The following ZDHHC7 variants were observed in gnomAD, a reference collection of about 807,000 sequenced individuals.
ZDHHC7 encodes the protein palmitoyltransferase ZDHHC7.
In ZDHHC7, 12 loss-of-function variants were observed where a neutral mutation model predicts 34.1. The observed-to-expected ratio is 0.35, with a 90% confidence interval of 0.23 to 0.57. ZDHHC7 has a LOEUF of 0.57. Among genes scored for constraint, ZDHHC7 ranks in the 20% least tolerant of loss-of-function variants. The pLI, the probability that ZDHHC7 is intolerant of heterozygous loss-of-function variation, is 0.84. For synonymous variants in ZDHHC7, 185 were observed against 155.4 expected (o/e 1.19, Z -1.42); for missense variants, 388 against 402.7 (o/e 0.96, Z 0.31).
At chr16:85,014,326 A>T (rs2072825612), upstream of ZDHHC7, among the ~76,000 whole-genome samples, 1 of 152,244 alleles carries the variant, frequency 6.6e-6, no homozygotes, top group Non-Finnish European at 1.5e-5. Flanking sequence ...GGGAAGCTTA[A>T]CAGAATTTCA....
intron 3 of ZDHHC7, among the ~76,000 whole-genome samples, chr16:84,989,073 G>A (rs1443648577): frequency 6.6e-6 from 1 of 152,200 alleles, no homozygotes; most frequent in Non-Finnish European, 1.5e-5. Flanking sequence ...AAAAGGAAAT[G>A]ACAAGACAGG....
At chr16:85,004,653 G>A (rs1264676780) in intron 1 of ZDHHC7, among the ~76,000 whole-genome samples, 1 of 151,748 alleles carries the variant, frequency 6.6e-6, no homozygotes, top group Non-Finnish European at 1.5e-5. Context: ...TCAATGGAAT[G>A]TTACTCATAG....
At chr16:84,997,665 T>C (rs1292457523) in intron 1 of ZDHHC7, among the ~76,000 whole-genome samples, 29 of 147,646 alleles carry the variant, frequency 2.0e-4, no homozygotes, top group Admixed American at 6.0e-4. Flanking sequence ...GAGGCTGAGG[T>C]GGGCGGATCA....
At chr16:85,015,878 C>G (rs1045468871), upstream of ZDHHC7, among the ~76,000 whole-genome samples, 8 of 151,868 alleles carry the variant, frequency 5.3e-5, no homozygotes, top group African/African-American at 1.9e-4. Flanking sequence ...ACTTTGATTT[C>G]TCTCAGGGCC....
chr16:85,018,562 C>G, the ZDHHC7 span, among the ~76,000 whole-genome samples: 1 of 152,066 alleles, frequency 6.6e-6, no homozygotes, highest in Non-Finnish European at 1.5e-5. Flanking sequence ...ATTCTCCTGC[C>G]TCAGCCTCCC....
intron 4 of ZDHHC7, 32 bp from the exon 5 acceptor site, chr16:84,979,317 C>T: frequency 1.2e-6 from 2 of 1,601,388 alleles, no homozygotes; most frequent in African/African-American, 2.7e-5. Context: ...TTCAGTATTC[C>T]ATGCTCTGAG....
intron 1 of ZDHHC7, among the ~76,000 whole-genome samples, chr16:85,008,788 G>A (rs899459037): frequency 6.6e-6 from 1 of 151,852 alleles, no homozygotes; most frequent in African/African-American, 2.4e-5. Context: ...GCTCACGCCT[G>A]TAATCCCACC....
At chr16:84,982,133 C>A in intron 3 of ZDHHC7, 139 bp from the exon 4 acceptor site, 1 of 1,076,426 alleles carries the variant, frequency 9.3e-7, no homozygotes, top group Non-Finnish European at 1.3e-6. Flanking sequence ...AGTTCAAGAC[C>A]AGCCTGGCCA....
At chr16:84,995,388 G>A (rs1282584774) in intron 2 of ZDHHC7, among the ~76,000 whole-genome samples, 1 of 152,234 alleles carries the variant, frequency 6.6e-6, no homozygotes, top group Non-Finnish European at 1.5e-5. Context: ...CACTTTGGGA[G>A]GCCAAGGCGA....
At chr16:85,005,893 T>C (rs912632034) in intron 1 of ZDHHC7, among the ~76,000 whole-genome samples, 1 of 152,114 alleles carries the variant, frequency 6.6e-6, no homozygotes, top group Non-Finnish European at 1.5e-5. Flanking sequence ...GACACAAAAT[T>C]CCTCCATTCC....
chr16:84,996,697 C>T (rs8051663), intron 1 of ZDHHC7, among the ~76,000 whole-genome samples: 1 of 151,916 alleles, frequency 6.6e-6, no homozygotes, highest in Non-Finnish European at 1.5e-5. Context: ...GCCACGGACA[C>T]AGAGGTTCCA....
chr16:84,977,302 C>T, intron 6 of ZDHHC7, 77 bp from the exon 7 acceptor site: 1 of 1,562,212 alleles, frequency 6.4e-7, no homozygotes, highest in Non-Finnish European at 8.7e-7. Context: ...GAGAAGAATC[C>T]TCTAGGGCCA....
intron 1 of ZDHHC7, among the ~76,000 whole-genome samples, chr16:85,010,585 G>A (rs888978123): frequency 6.6e-6 from 1 of 152,230 alleles, no homozygotes; most frequent in Non-Finnish European, 1.5e-5. Flanking sequence ...GACAGTAAAA[G>A]AAGCTACAAG....
chr16:85,009,517 T>C (rs2072760604), intron 1 of ZDHHC7, among the ~76,000 whole-genome samples: 1 of 150,866 alleles, frequency 6.6e-6, no homozygotes, highest in Admixed American at 6.6e-5. Flanking sequence ...CCATTGTTAC[T>C]TAGCGAATCC....
intron 1 of ZDHHC7, among the ~76,000 whole-genome samples, chr16:85,001,201 T>A (rs2072648133): frequency 6.6e-6 from 1 of 152,116 alleles, no homozygotes; most frequent in Non-Finnish European, 1.5e-5. Context: ...CCGGGCGCGG[T>A]GCCTCATGCC....
chr16:84,982,980 T>C (rs1164051157), intron 3 of ZDHHC7, among the ~76,000 whole-genome samples: 1 of 152,186 alleles, frequency 6.6e-6, no homozygotes, highest in East Asian at 1.9e-4. Context: ...GGCTTTGTTC[T>C]TTGGGCAGTG....
Position 84,981,884 on chromosome 16 carries a change from G to A in ZDHHC7, c.426C>T (p.Arg142=), listed in dbSNP as rs754413325. Residue 142 remains arginine (R), a synonymous_variant, in exon 4 of 8, where the codon CGC becomes CGT. Coordinates refer to ENST00000313732, the MANE Select transcript of ZDHHC7 (RefSeq NM_017740.3). ...AGCGCACGTACCTGCAGTGGTGGGC[G>A]CGCTCGGGTTTAATACAGCAGCACT... The part of the protein sequence containing the change: ...CPKCCCIKPE[R]AHHCSICKRC... The A allele has an allele frequency of 1.3e-5, 21 of 1,614,008 alleles. No homozygotes were observed. The highest frequency in any genetic ancestry group is 1.2e-4 in the Admixed American group (7 of 60,000).
chr16:84,985,965 A>G (rs1194283365), intron 3 of ZDHHC7, among the ~76,000 whole-genome samples: 1 of 151,676 alleles, frequency 6.6e-6, no homozygotes, highest in Non-Finnish European at 1.5e-5. Flanking sequence ...AAAAAAAAAA[A>G]AAAAAAAAAA....
At position 84,998,098 on chromosome 16, in the gene ZDHHC7, C is replaced by A. The variant is rs550235474; in HGVS notation, c.-103-2091G>T. Among the ~76,000 whole-genome samples, 17 of 144,926 alleles carry A rather than the reference C, an allele frequency of 1.2e-4. No individual in the cohort carries two copies. The East Asian group carries it at 3.5e-3, about 30-fold the overall frequency. ...CTAACACGGTGAAACCCCGTCTCTA[C>A]TAAAAATAAAAAAAAATTAGCCGGG... On this transcript the variant is annotated intron_variant, in intron 1 of 7. Transcript: ENST00000313732.
Sources: allele counts gnomAD v4.1 joint callset (sites outside exome capture counted in the v4.1 genomes callset), GRCh38; gene constraint gnomAD v4.1.1; transcripts MANE v1.5; gene names NCBI Gene and HGNC (gene_info 2026-07-23, HGNC 2026-07-21).